The following GALNT13 variants were observed in gnomAD, a reference collection of about 807,000 sequenced individuals.
GALNT13 encodes UDP-GalNAc:polypeptide N-acetylgalactosaminyltransferase 13.
Under a neutral mutation model 64.2 loss-of-function variants are expected in GALNT13, and 28 were observed. The ratio of observed to expected loss-of-function variants is 0.44; its 90% confidence interval spans 0.32 to 0.60. GALNT13 has a LOEUF of 0.60. Among genes scored for constraint, GALNT13 ranks in the 20% least tolerant of loss-of-function variants. The pLI is 0.05. For missense variants in GALNT13, 577 were observed against 669.8 expected (o/e 0.86, Z 1.53); for synonymous variants, 214 against 224.6 (o/e 0.95, Z 0.42).
chr2:153,996,383 G>T (rs1195806870), intron 3 of GALNT13, among the ~76,000 whole-genome samples: 1 of 152,096 alleles, frequency 6.6e-6, no homozygotes, highest in Non-Finnish European at 1.5e-5. Flanking sequence ...ACTGGGATAA[G>T]GTGATATCTT....
chr2:154,016,936 G>A (rs1160709976), intron 3 of GALNT13, among the ~76,000 whole-genome samples: 8 of 152,128 alleles, frequency 5.3e-5, no homozygotes, highest in Non-Finnish European at 1.2e-4. Context: ...GAAGAATGTG[G>A]AATTAATGAG....
chr2:154,354,385 C>T (rs1696594861), intron 9 of GALNT13, among the ~76,000 whole-genome samples: 2 of 141,308 alleles, frequency 1.4e-5, no homozygotes, highest in Admixed American at 7.1e-5. Context: ...CAGATAGATG[C>T]CTTTTAGTTT....
At chr2:153,439,087 C>G in the GALNT13 span, among the ~76,000 whole-genome samples, 11 of 152,164 alleles carry the variant, frequency 7.2e-5, no homozygotes, top group Admixed American at 3.3e-4. Flanking sequence ...GAGGTCCACT[C>G]CAGACCCTGT....
intron 9 of GALNT13, among the ~76,000 whole-genome samples, chr2:154,385,620 A>G (rs1200740041): frequency 2.0e-5 from 3 of 152,012 alleles, no homozygotes; most frequent in Non-Finnish European, 4.4e-5. Flanking sequence ...TAAAAATGCT[A>G]TATAGACTTA....
At chr2:153,970,620 A>G (rs1446900602) in intron 3 of GALNT13, among the ~76,000 whole-genome samples, 1 of 152,154 alleles carries the variant, frequency 6.6e-6, no homozygotes, top group Non-Finnish European at 1.5e-5. Flanking sequence ...GACATTTGTG[A>G]CCAAGGCTTA....
the GALNT13 span, among the ~76,000 whole-genome samples, chr2:153,449,358 G>T: frequency 6.6e-6 from 1 of 152,082 alleles, no homozygotes; most frequent in African/African-American, 2.4e-5. Flanking sequence ...ATCCTGTGTT[G>T]TCTCTGCAAG....
chr2:153,470,446 C>T, the GALNT13 span, among the ~76,000 whole-genome samples: 1 of 152,080 alleles, frequency 6.6e-6, no homozygotes, highest in Non-Finnish European at 1.5e-5. Context: ...GCCAACTGGG[C>T]CAGAGTTCTC....
At chr2:153,816,021 G>T in the GALNT13 span, among the ~76,000 whole-genome samples, 1 of 152,148 alleles carries the variant, frequency 6.6e-6, no homozygotes, top group African/African-American at 2.4e-5. Flanking sequence ...TTGATGGAGG[G>T]TCATACCTGA....
chr2:153,776,251 T>G, the GALNT13 span, among the ~76,000 whole-genome samples: 1 of 152,190 alleles, frequency 6.6e-6, no homozygotes, highest in Non-Finnish European at 1.5e-5. Context: ...GAAAATTTTA[T>G]CCAGAATTGT....
chr2:154,247,555 G>A (rs2105881338), intron 7 of GALNT13, among the ~76,000 whole-genome samples: 1 of 152,030 alleles, frequency 6.6e-6, no homozygotes, highest in African/African-American at 2.4e-5. Flanking sequence ...GAGTCAAACG[G>A]AAGATAACTA....
In GALNT13 at chr2:153,872,138, GGGCTGC is replaced by G. The variant is rs1186522025; in HGVS notation, c.-340_-335del. The G allele has an allele frequency of 6.7e-6, 1 of 149,764 alleles. No individual in the cohort carries two copies. Among genetic ancestry groups the G allele is most frequent in the Non-Finnish European group, 1.5e-5 (1 of 67,456 alleles). 9.3% of individuals were successfully genotyped at this position (149,764 alleles called of 1,614,324 possible). On this transcript the variant is annotated 5_prime_UTR_variant, in exon 1 of 13. Coordinates refer to ENST00000392825, the MANE Select transcript of GALNT13 (RefSeq NM_052917.4). Reference sequence around the variant, plus strand: ...AAGAGAGAGGCGCGGGCGGGAGCCGGGGCTGCGCGCGGCGCTCGCGGGCCGGCGCGG... The same window carrying G: ...AAGAGAGAGGCGCGGGCGGGAGCCGGGCGCGGCGCTCGCGGGCCGGCGCGG...
chr2:153,875,954 C>T (rs1478418024), intron 1 of GALNT13, among the ~76,000 whole-genome samples: 2 of 152,070 alleles, frequency 1.3e-5, no homozygotes, highest in Admixed American at 6.6e-5. Flanking sequence ...GTATTTGTGT[C>T]CCTGTCAGAA....
chr2:153,608,104 G>A, the GALNT13 span, among the ~76,000 whole-genome samples: 15 of 152,112 alleles, frequency 9.9e-5, no homozygotes, highest in African/African-American at 3.6e-4. Context: ...AATGTTTGCA[G>A]CAGAGGTGTC....
intron 8 of GALNT13, among the ~76,000 whole-genome samples, chr2:154,297,752 T>A (rs1042600610): frequency 6.6e-6 from 1 of 152,168 alleles, no homozygotes; most frequent in Non-Finnish European, 1.5e-5. Context: ...TGCATATGCA[T>A]ACAGATGATG....
chr2:153,416,010 A>G, the GALNT13 span, among the ~76,000 whole-genome samples: 1 of 152,216 alleles, frequency 6.6e-6, no homozygotes, highest in South Asian at 2.1e-4. Context: ...TTGCCTATAA[A>G]TAAACAAGCC....
the GALNT13 span, among the ~76,000 whole-genome samples, chr2:153,282,166 A>G: frequency 6.6e-6 from 1 of 151,982 alleles, no homozygotes; most frequent in African/African-American, 2.4e-5. Flanking sequence ...TGCATGGTTC[A>G]GTCTATTGAT....
chr2:153,851,987 A>G, the GALNT13 span, among the ~76,000 whole-genome samples: 5 of 152,176 alleles, frequency 3.3e-5, no homozygotes, highest in Admixed American at 1.3e-4. Flanking sequence ...AAGGTGAGAC[A>G]TGATAAGTTA....
At chr2:153,829,572 G>T in the GALNT13 span, among the ~76,000 whole-genome samples, 24 of 152,064 alleles carry the variant, frequency 1.6e-4, no homozygotes, top group Non-Finnish European at 3.1e-4. Flanking sequence ...TAGCACATGA[G>T]AATTGTGGGA....
chr2:153,412,842 G>C, the GALNT13 span, among the ~76,000 whole-genome samples: 1 of 152,182 alleles, frequency 6.6e-6, no homozygotes, highest in Non-Finnish European at 1.5e-5. Context: ...TTTGCACTCA[G>C]ATGGGTTGGA....
Sources: allele counts gnomAD v4.1 joint callset (sites outside exome capture counted in the v4.1 genomes callset), GRCh38; gene constraint gnomAD v4.1.1; transcripts MANE v1.5; gene names NCBI Gene and HGNC (gene_info 2026-07-23, HGNC 2026-07-21).